Variants in ARFGEF3 observed in about 807,000 individuals in gnomAD.
The protein encoded by ARFGEF3 is ARFGEF family member 3.
A neutral mutation model predicts 221.7 loss-of-function variants in ARFGEF3; 96 were observed. The observed-to-expected ratio is 0.43, with a 90% CI of 0.37 to 0.51. The LOEUF is 0.51. Ranked by LOEUF, ARFGEF3 falls within the 20% of genes least tolerant of loss-of-function variation. The pLI is 0.00. For missense variants in ARFGEF3, 2,410 were observed against 2,789.9 expected (o/e 0.86, Z 3.07); for synonymous variants, 1,145 against 1,126.8 (o/e 1.02, Z -0.32).
In ARFGEF3 at chr6:138,194,702, G is replaced by A. The variant is rs1215001640; in HGVS notation, c.138-12340G>A. ...CACAAGCCTCACTTCAGTCAAGAAG[G>A]CTTTAGGGAGAGGAAACAATTCAGG... On this transcript the variant is annotated intron_variant, in intron 2 of 33. Coordinates refer to ENST00000251691, the MANE Select transcript of ARFGEF3 (RefSeq NM_020340.5). Among the ~76,000 whole-genome samples, 4 of 152,210 alleles carry A rather than the reference G, an allele frequency of 2.6e-5. No individual in the cohort carries two copies. In the East Asian group the frequency reaches 5.8e-4, roughly 22 times the overall value.
In ARFGEF3 at chr6:138,291,992, A is replaced by G; in HGVS notation, c.3307A>G (p.Ser1103Gly). The G allele has an allele frequency of 6.5e-7, 1 of 1,536,962 alleles. No individual in the cohort carries two copies. Among genetic ancestry groups the G allele is most frequent in the South Asian group, 1.2e-5 (1 of 82,956 alleles). ...TCGGGCCTCCGACTTCCGCGGCGGGAGCCTCATGAGCGGGAGCAGCGCGGC... is the reference window on the plus strand; with the variant it reads ...TCGGGCCTCCGACTTCCGCGGCGGGGGCCTCATGAGCGGGAGCAGCGCGGC... Reference protein sequence around the residue: ...RGRASDFRGGSLMSGSSAAKV... With the variant: ...RGRASDFRGGGLMSGSSAAKV... Residue 1103 changes from serine (S) to glycine (G), a missense_variant, in exon 19 of 34, where the codon AGC (serine) becomes GGC (glycine). Ser to Gly is a moderately conservative substitution (Grantham distance 56, BLOSUM62 0). Transcript: ENST00000251691. The surrounding 1 kb of genome is among the most constrained non-coding windows in gnomAD (Gnocchi z 4.5).
Position 138,324,104 on chromosome 6 carries a change from T to A in ARFGEF3, c.4951T>A (p.Ser1651Thr). Residue 1651 changes from serine to threonine, a missense_variant, in exon 31 of 34, where the codon TCC becomes ACC. Ser to Thr is a moderately conservative substitution (Grantham distance 58). Around this residue, in one of 5 missense-constraint regions of ARFGEF3, gnomAD observed 723 missense variants for 991.9 expected, o/e 0.73. Transcript: ENST00000251691. ...CQVRVAAPSSSPSAEAEYWRI... is the reference protein window; with the variant it reads ...CQVRVAAPSSTPSAEAEYWRI... ...GGTGCGAGTGGCGGCCCCGTCCTCCTCCCCAAGTGCCGAGGCCGAGTACTG... is the reference window on the plus strand; with the variant it reads ...GGTGCGAGTGGCGGCCCCGTCCTCCACCCCAAGTGCCGAGGCCGAGTACTG... 2 of 1,613,706 alleles carry A rather than the reference T, an allele frequency of 1.2e-6. No homozygotes were observed. Among genetic ancestry groups the A allele is most frequent in the Non-Finnish European group, 1.7e-6 (2 of 1,179,848 alleles).
At chr6:138,176,509 ACAAT>A (rs1176396239) in intron 2 of ARFGEF3, among the ~76,000 whole-genome samples, 1 of 152,130 alleles carries the variant, frequency 6.6e-6, no homozygotes. Context: ...ATCCTTTATG[ACAAT>A]CTATATATTT....
chr6:138,213,764 T>C (rs776144066), intron 4 of ARFGEF3, among the ~76,000 whole-genome samples: 41 of 152,032 alleles, frequency 2.7e-4, no homozygotes, highest in Non-Finnish European at 4.3e-4. Flanking sequence ...TGGGGAAAAA[T>C]ATTTCAGTTC....
chr6:138,228,388 T>G (rs1485307972), intron 4 of ARFGEF3, among the ~76,000 whole-genome samples: 1 of 151,236 alleles, frequency 6.6e-6, no homozygotes, highest in Admixed American at 6.6e-5. Context: ...GGTTTTGCCA[T>G]GTTGCCCAGG....
Position 138,259,032 on chromosome 6 carries a change from C to T in ARFGEF3, c.1105-2495C>T, listed in dbSNP as rs536040516. ...AAGGTCATTTTGCAGAGATGAGGCT[C>T]GAATTTGATGGTAGCACCCAAGTAG... On this transcript the variant is annotated intron_variant, in intron 10 of 33. Transcript: ENST00000251691. Among the ~76,000 whole-genome samples, 6 of 152,310 alleles carry T rather than the reference C, an allele frequency of 3.9e-5. No individual in the cohort carries two copies. In the South Asian group the frequency reaches 1.0e-3, roughly 26 times the overall value.
chr6:138,200,857 G>A (rs1777520956), intron 2 of ARFGEF3, among the ~76,000 whole-genome samples: 1 of 152,186 alleles, frequency 6.6e-6, no homozygotes, highest in Non-Finnish European at 1.5e-5. Context: ...CTTTTGCATG[G>A]CAAAAGGAAT....
intron 12 of ARFGEF3, among the ~76,000 whole-genome samples, chr6:138,277,554 T>C (rs1779121576): frequency 1.3e-5 from 2 of 152,242 alleles, no homozygotes; most frequent in Admixed American, 6.5e-5. Flanking sequence ...TTTTGAAAAG[T>C]TGTATTAATA....
chr6:138,289,268 T>C (rs1449248614), intron 17 of ARFGEF3, among the ~76,000 whole-genome samples: 1 of 152,218 alleles, frequency 6.6e-6, no homozygotes, highest in South Asian at 2.1e-4. Context: ...TTTTTTAAAG[T>C]ATTATTTGGA....
intron 31 of ARFGEF3, 97 bp downstream of exon 31, chr6:138,324,251 A>C (rs1780090351): frequency 7.0e-7 from 1 of 1,436,384 alleles, no homozygotes; most frequent in Admixed American, 2.1e-5. Flanking sequence ...ATTGCCTTTC[A>C]TTCCCTGAGG....
intron 7 of ARFGEF3, 95 bp downstream of exon 7, chr6:138,243,089 C>A: frequency 1.0e-6 from 1 of 988,154 alleles, no homozygotes; most frequent in Non-Finnish European, 1.6e-6. Context: ...TGTCTAGGAG[C>A]TCTCGGTTGT....
At chr6:138,293,390 C>T (rs1830227368) in intron 19 of ARFGEF3, among the ~76,000 whole-genome samples, 1 of 152,166 alleles carries the variant, frequency 6.6e-6, no homozygotes, top group African/African-American at 2.4e-5. Flanking sequence ...AGGTCTGTGC[C>T]CAGCTGAGTG....
At chr6:138,177,743 G>A (rs1437111874) in intron 2 of ARFGEF3, among the ~76,000 whole-genome samples, 1 of 151,384 alleles carries the variant, frequency 6.6e-6, no homozygotes, top group Non-Finnish European at 1.5e-5. Flanking sequence ...TCTTCTGCTT[G>A]GTCTAGTCTA....
chr6:138,330,883 A>G (rs539086279), intron 32 of ARFGEF3, among the ~76,000 whole-genome samples: 1 of 145,768 alleles, frequency 6.9e-6, no homozygotes, highest in South Asian at 2.1e-4. Context: ...TACCAATTCT[A>G]GCCCGTTTCC....
At chr6:138,215,678 C>T (rs2114507263) in intron 4 of ARFGEF3, among the ~76,000 whole-genome samples, 1 of 151,600 alleles carries the variant, frequency 6.6e-6, no homozygotes, top group East Asian at 2.0e-4. Flanking sequence ...GCAGAAAAGC[C>T]AAGTCACAGG....
chr6:138,268,211 A>G (rs977267232), intron 12 of ARFGEF3, among the ~76,000 whole-genome samples: 1 of 152,256 alleles, frequency 6.6e-6, no homozygotes, highest in Non-Finnish European at 1.5e-5. Context: ...CTCCACTGAG[A>G]CAGGGAGATG....
chr6:138,174,757 C>T (rs1776905067), intron 2 of ARFGEF3, among the ~76,000 whole-genome samples: 1 of 151,988 alleles, frequency 6.6e-6, no homozygotes, highest in South Asian at 2.1e-4. Context: ...TCTTGAATAC[C>T]TTTGCTCTGC....
At chr6:138,218,715 A>C (rs1487829451) in intron 4 of ARFGEF3, among the ~76,000 whole-genome samples, 17 of 152,238 alleles carry the variant, frequency 1.1e-4, no homozygotes, top group Non-Finnish European at 1.5e-5. Context: ...CAATAAAACT[A>C]TCAAAAGTTC....
At chr6:138,256,245 C>G (rs564036111) in intron 10 of ARFGEF3, among the ~76,000 whole-genome samples, 2 of 152,184 alleles carry the variant, frequency 1.3e-5, no homozygotes, top group African/African-American at 4.8e-5. Flanking sequence ...ATGTCATGAC[C>G]CCAGCAAGAA....
Sources: gnomAD v4.1 joint callset for allele counts (sites outside exome capture counted in the v4.1 genomes callset) on GRCh38, gnomAD v4.1.1 for gene constraint, gnomAD v4.1.1 regional missense constraint, Gnocchi (gnomAD v3.1) non-coding constraint, MANE v1.5 for transcripts, NCBI Gene and HGNC (gene_info 2026-07-23, HGNC 2026-07-21) for gene names.